Variants in EPHA3 observed in about 807,000 individuals in gnomAD.
EPHA3 encodes the protein EPH receptor A3.
A neutral mutation model predicts 107.1 loss-of-function variants in EPHA3; 42 were observed. The ratio of observed to expected loss-of-function variants is 0.39; its 90% CI spans 0.31 to 0.51. The LOEUF (loss-of-function observed/expected upper bound fraction) is 0.51. Ranked by LOEUF, EPHA3 falls within the 20% of genes least tolerant of loss-of-function variation. EPHA3 has a pLI of 0.78. For synonymous variants in EPHA3, 461 were observed against 424.8 expected (o/e 1.09, Z -1.05); for missense variants, 1,183 against 1,211.2 (o/e 0.98, Z 0.35).
chr3:89,117,254 T>C (rs1463386291), intron 1 of EPHA3, among the ~76,000 whole-genome samples: 3 of 152,102 alleles, frequency 2.0e-5, no homozygotes, highest in African/African-American at 7.2e-5. Context: ...AACTGCCTCA[T>C]GTAAGACTTT....
intron 15 of EPHA3, among the ~76,000 whole-genome samples, chr3:89,456,104 C>T (rs1710093330): frequency 6.6e-6 from 1 of 152,122 alleles, no homozygotes; most frequent in Non-Finnish European, 1.5e-5. Flanking sequence ...AGAAAAAATT[C>T]CAGTGTTTTT....
At chr3:89,206,100 G>C (rs934344248) in intron 2 of EPHA3, among the ~76,000 whole-genome samples, 2 of 152,132 alleles carry the variant, frequency 1.3e-5, no homozygotes, top group African/African-American at 4.8e-5. Context: ...AGTGGTCTGA[G>C]ATGGCACATC....
chr3:89,472,598 C>G lies in EPHA3; in HGVS notation c.2825C>G (p.Thr942Arg). ...FTGVEYSSCD[T>R]IAKISTDDMK... ...GGTGTGGAGTACAGTTCTTGTGACA[C>G]AATAGCCAAGATTTCCACAGAGTAA... The change falls in exon 16 of 17, where the codon ACA (threonine) becomes AGA (arginine). Residue 942 changes from threonine (T) to arginine (R), a missense_variant. Physicochemically the swap from Thr to Arg is moderately conservative, Grantham distance 71. Transcript: ENST00000336596. 1.2e-6 allele frequency: 2 copies of G among 1,610,142 alleles called. No individual in the cohort carries two copies. The highest frequency in any genetic ancestry group is 1.7e-6 in the Non-Finnish European group (2 of 1,178,030).
chr3:89,476,631 G>A lies in EPHA3; in HGVS notation c.2847-2766G>A, dbSNP rs1424664935. 4.6e-5 allele frequency among the ~76,000 whole-genome samples: 5 copies of A among 108,176 alleles called. No homozygotes were observed. In the South Asian group the frequency reaches 1.2e-3, roughly 26 times the overall value. The allele number at this position is 108,176 out of a possible 152,430, so 71.0% of individuals were successfully genotyped here. A position where few individuals can be genotyped will look rare whatever the true frequency, so the allele number is the denominator to read the frequency against. On this transcript the variant is annotated intron_variant, in intron 16 of 16. Coordinates refer to ENST00000336596, the MANE Select transcript of EPHA3 (RefSeq NM_005233.6). ...TTTATTTATTTAATTTTTTTGAGGC[G>A]GATTCTCGCTCTGTCGCCCAGGCTG...
At chr3:89,334,222 T>G (rs953763801) in intron 3 of EPHA3, among the ~76,000 whole-genome samples, 18 of 152,234 alleles carry the variant, frequency 1.2e-4, no homozygotes, top group Non-Finnish European at 2.9e-5. Flanking sequence ...TCCATTTGAC[T>G]ATAAAACCAA....
intron 5 of EPHA3, among the ~76,000 whole-genome samples, chr3:89,356,998 C>T (rs1233314535): frequency 1.4e-5 from 2 of 144,508 alleles, no homozygotes; most frequent in Admixed American, 7.2e-5. Context: ...ATCCCAGCTA[C>T]TCGGAAGGCT....
At chr3:89,127,428 A>G (rs1053071667) in intron 2 of EPHA3, among the ~76,000 whole-genome samples, 155 bp downstream of exon 2, 4 of 151,978 alleles carry the variant, frequency 2.6e-5, no homozygotes, top group Non-Finnish European at 4.4e-5. Context: ...ACAGCTTGAC[A>G]TTTGTGTCCA....
intron 5 of EPHA3, among the ~76,000 whole-genome samples, chr3:89,370,385 T>C (rs1180064578): frequency 6.6e-6 from 1 of 151,918 alleles, no homozygotes. Flanking sequence ...GAAATCATCA[T>C]TCTCAGTAAA....
chr3:89,471,170 G>A (rs550969515), intron 15 of EPHA3, among the ~76,000 whole-genome samples: 2 of 144,262 alleles, frequency 1.4e-5, no homozygotes, highest in South Asian at 4.3e-4. Flanking sequence ...GCCACTAAGA[G>A]CTGAAGAAAA....
At chr3:89,370,067 A>T (rs899731887) in intron 5 of EPHA3, among the ~76,000 whole-genome samples, 1 of 150,692 alleles carries the variant, frequency 6.6e-6, no homozygotes, top group Non-Finnish European at 1.5e-5. Context: ...TGGGACTGTA[A>T]ACTAGTTCAA....
intron 3 of EPHA3, among the ~76,000 whole-genome samples, chr3:89,230,788 T>TCTCTCTCTCTCTCTCC (rs1491337947): frequency 2.2e-3 from 1 of 448 alleles, no homozygotes; most frequent in African/African-American, 6.6e-3. Flanking sequence ...TATACATATT[T>TCTCTCTCTCTCTCTCC]CTCTCTCTCT....
chr3:89,267,288 C>T (rs1166121135), intron 3 of EPHA3, among the ~76,000 whole-genome samples: 1 of 152,018 alleles, frequency 6.6e-6, no homozygotes, highest in Non-Finnish European at 1.5e-5. Context: ...TTACAATTTT[C>T]TTTGTAAGTA....
intron 3 of EPHA3, among the ~76,000 whole-genome samples, chr3:89,317,610 A>G (rs1706939169): frequency 6.6e-6 from 1 of 151,846 alleles, no homozygotes; most frequent in South Asian, 2.1e-4. Flanking sequence ...GGTAAAAAAC[A>G]AATAATCATT....
intron 3 of EPHA3, among the ~76,000 whole-genome samples, chr3:89,292,145 T>C (rs1706221880): frequency 6.6e-6 from 1 of 152,172 alleles, no homozygotes; most frequent in South Asian, 2.1e-4. Flanking sequence ...TAAGGAGGGA[T>C]AATTCACTTA....
intron 2 of EPHA3, among the ~76,000 whole-genome samples, chr3:89,199,418 C>T (rs1705916107): frequency 6.6e-6 from 1 of 152,012 alleles, no homozygotes; most frequent in Non-Finnish European, 1.5e-5. Flanking sequence ...CATTATTCTC[C>T]TCACAAGAAA....
At chr3:89,373,361 A>AT (rs1414343678) in intron 5 of EPHA3, among the ~76,000 whole-genome samples, 1 of 151,692 alleles carries the variant, frequency 6.6e-6, no homozygotes, top group Non-Finnish European at 1.5e-5. Context: ...TGTGTAGAAC[A>AT]TTTTTTCTTA....
At chr3:89,336,564 A>T (rs1707396944) in intron 3 of EPHA3, among the ~76,000 whole-genome samples, 1 of 152,198 alleles carries the variant, frequency 6.6e-6, no homozygotes, top group East Asian at 1.9e-4. Flanking sequence ...TTCTCCACTC[A>T]TATTCTCAAA....
At chr3:89,205,344 A>G (rs1261572384) in intron 2 of EPHA3, among the ~76,000 whole-genome samples, 2 of 152,212 alleles carry the variant, frequency 1.3e-5, no homozygotes, top group Admixed American at 1.3e-4. Context: ...ATTAAAATAT[A>G]TGTTTCCCTC....
intron 5 of EPHA3, among the ~76,000 whole-genome samples, chr3:89,346,245 G>A (rs1277807742): frequency 7.8e-6 from 1 of 128,682 alleles, no homozygotes; most frequent in Non-Finnish European, 1.7e-5. Context: ...CAGTGTAAAA[G>A]TGTTCCTGTT....
Sources: gnomAD v4.1 joint callset for allele counts (sites outside exome capture counted in the v4.1 genomes callset) on GRCh38, gnomAD v4.1.1 for gene constraint, MANE v1.5 for transcripts, NCBI Gene and HGNC (gene_info 2026-07-23, HGNC 2026-07-21) for gene names.